Variants in FARS2 observed in about 807,000 individuals in gnomAD.
FARS2 encodes the protein phenylalanine--tRNA ligase, mitochondrial.
A neutral mutation model predicts 46.4 loss-of-function variants in FARS2; 40 were observed. The observed-to-expected ratio is 0.86, with a 90% CI of 0.67 to 1.12. FARS2 has a LOEUF of 1.12. Among genes scored for constraint, FARS2 ranks in the 50% most tolerant of loss-of-function variants. The pLI, the probability that FARS2 is intolerant of heterozygous loss-of-function variation, is 0.00. For missense variants in FARS2, 513 were observed against 567.9 expected, an observed-to-expected ratio of 0.90 and a Z score of 0.98; for synonymous variants, 234 against 214.9, an observed-to-expected ratio of 1.09 and a Z score of -0.78.
intron 2 of FARS2, among the ~76,000 whole-genome samples, chr6:5,403,955 T>C (rs141864522): frequency 1.3e-5 from 2 of 152,356 alleles, no homozygotes; most frequent in East Asian, 3.9e-4. Flanking sequence ...ATTTTTTATA[T>C]ATTATTTTGT....
intron 6 of FARS2, among the ~76,000 whole-genome samples, chr6:5,637,002 G>A (rs898889683): frequency 4.6e-5 from 7 of 152,226 alleles, no homozygotes; most frequent in East Asian, 1.9e-4. Flanking sequence ...AGAACATTCC[G>A]AGAAGAAGCA....
At chr6:5,431,962 A>C (rs1235300831) in intron 4 of FARS2, among the ~76,000 whole-genome samples, 1 of 21,060 alleles carries the variant, frequency 4.7e-5, no homozygotes, top group Non-Finnish European at 8.5e-5. Context: ...CACTGTCTGA[A>C]TGTAATACTT....
At chr6:5,564,262 T>C (rs1205332587) in intron 5 of FARS2, among the ~76,000 whole-genome samples, 1 of 152,122 alleles carries the variant, frequency 6.6e-6, no homozygotes, top group African/African-American at 2.4e-5. Context: ...GATATAGAAT[T>C]CTCCTTTGGG....
At chr6:5,533,676 G>A (rs886529745) in intron 4 of FARS2, among the ~76,000 whole-genome samples, 2 of 152,206 alleles carry the variant, frequency 1.3e-5, no homozygotes, top group African/African-American at 4.8e-5. Flanking sequence ...AGAGGGCAGA[G>A]TTGAGGGGGT....
chr6:5,266,486 C>T (rs1050998959), intron 1 of FARS2, among the ~76,000 whole-genome samples: 18 of 151,464 alleles, frequency 1.2e-4, no homozygotes, highest in Non-Finnish European at 1.5e-4. Flanking sequence ...GGTAACATAG[C>T]GAGACCCCAT....
At chr6:5,657,588 C>T (rs758351976) in intron 6 of FARS2, among the ~76,000 whole-genome samples, 13 of 152,194 alleles carry the variant, frequency 8.5e-5, no homozygotes, top group Non-Finnish European at 1.6e-4. Context: ...ATCCTCTGCC[C>T]TGGCTAAATG....
intron 6 of FARS2, among the ~76,000 whole-genome samples, chr6:5,696,809 A>G (rs1344505251): frequency 7.2e-5 from 11 of 152,232 alleles, no homozygotes; most frequent in Non-Finnish European, 5.9e-5. Context: ...TAAAAATACA[A>G]TGTGGAAGAC....
chr6:5,649,290 C>T (rs1362167186), intron 6 of FARS2, among the ~76,000 whole-genome samples: 1 of 152,108 alleles, frequency 6.6e-6, no homozygotes, highest in Non-Finnish European at 1.5e-5. Context: ...CTATTTATGT[C>T]TTCACCATAA....
chr6:5,501,072 G>C (rs559904165), intron 4 of FARS2, among the ~76,000 whole-genome samples: 17 of 152,082 alleles, frequency 1.1e-4, no homozygotes, highest in African/African-American at 3.9e-4. Flanking sequence ...AAACTGGACT[G>C]TGCTTATCAA....
At chr6:5,376,188 A>C (rs577654813) in intron 2 of FARS2, among the ~76,000 whole-genome samples, 2 of 152,312 alleles carry the variant, frequency 1.3e-5, no homozygotes, top group South Asian at 4.1e-4. Context: ...GGTGGTGAGC[A>C]CACGTGTGTG....
At chr6:5,338,766 C>T (rs1000562992) in intron 1 of FARS2, among the ~76,000 whole-genome samples, 13 of 152,216 alleles carry the variant, frequency 8.5e-5, no homozygotes, top group Non-Finnish European at 1.2e-4. Context: ...TCACATTCTC[C>T]GTGAATCTGC....
At chr6:5,683,319 A>T (rs1779126956) in intron 6 of FARS2, among the ~76,000 whole-genome samples, 1 of 152,204 alleles carries the variant, frequency 6.6e-6, no homozygotes, top group African/African-American at 2.4e-5. Context: ...ACAAGGACAC[A>T]TCCTGGGTTT....
chr6:5,708,559 C>T (rs1377289666), intron 6 of FARS2, among the ~76,000 whole-genome samples: 10 of 152,156 alleles, frequency 6.6e-5, no homozygotes, highest in African/African-American at 2.4e-4. Context: ...AAGTGGCAAC[C>T]AAGTGTAAAG....
intron 4 of FARS2, among the ~76,000 whole-genome samples, chr6:5,477,989 C>T (rs946003680): frequency 1.3e-5 from 2 of 152,142 alleles, no homozygotes; most frequent in African/African-American, 4.8e-5. Context: ...CACTGAACTC[C>T]AGCCTGGGTG....
intron 4 of FARS2, among the ~76,000 whole-genome samples, chr6:5,496,034 A>G (rs1767440750): frequency 1.3e-5 from 2 of 152,312 alleles, no homozygotes; most frequent in South Asian, 4.2e-4. Flanking sequence ...CTTTTCCCCT[A>G]GGATCCCTGC....
chr6:5,279,158 A>T (rs1766541259), intron 1 of FARS2, among the ~76,000 whole-genome samples: 1 of 152,070 alleles, frequency 6.6e-6, no homozygotes, highest in African/African-American at 2.4e-5. Context: ...CGGGCGGATC[A>T]TGAGGTCAGG....
At chr6:5,446,405 A>G (rs1764192660) in intron 4 of FARS2, among the ~76,000 whole-genome samples, 1 of 152,150 alleles carries the variant, frequency 6.6e-6, no homozygotes, top group Non-Finnish European at 1.5e-5. Flanking sequence ...TATGTATTTG[A>G]TACTCCATTT....
At chr6:5,445,790 C>G (rs80273221) in intron 4 of FARS2, among the ~76,000 whole-genome samples, 11,370 of 152,206 alleles carry the variant, frequency 0.075, 622 homozygotes, top group African/African-American at 0.15. Context: ...GATCCTGTCC[C>G]AAGAAGGACA....
chr6:5,341,097 G>A (rs1771526019), intron 1 of FARS2, among the ~76,000 whole-genome samples: 1 of 148,714 alleles, frequency 6.7e-6, no homozygotes, highest in East Asian at 2.0e-4. Context: ...GCAGTGAGCC[G>A]AGATCGTGCT....
Sources: allele counts gnomAD v4.1 joint callset (sites outside exome capture counted in the v4.1 genomes callset), GRCh38; gene constraint gnomAD v4.1.1; transcripts MANE v1.5; gene names NCBI Gene and HGNC (gene_info 2026-07-23, HGNC 2026-07-21).